Variants in TBC1D32 observed in about 807,000 individuals in gnomAD.
The protein encoded by TBC1D32 is protein broad-minded.
A neutral mutation model predicts 170.3 loss-of-function variants in TBC1D32; 151 were observed. The ratio of observed to expected loss-of-function variants is 0.89; its 90% CI spans 0.78 to 1.01. The LOEUF (loss-of-function observed/expected upper bound fraction) is 1.01, where lower values mean the gene tolerates loss of function less well. TBC1D32 is among the 50% of genes least tolerant of loss of function. The pLI, the probability that TBC1D32 is intolerant of heterozygous loss-of-function variation, is 0.00. For synonymous variants in TBC1D32, 498 were observed against 488.0 expected, an observed-to-expected ratio of 1.02 and a Z score of -0.27; for missense variants, 1,464 against 1,457.1, an observed-to-expected ratio of 1.00 and a Z score of -0.08.
chr6:121,221,003 ATAGC>A (rs34188688), intron 21 of TBC1D32, among the ~76,000 whole-genome samples: 97,048 of 151,620 alleles, frequency 0.64, 36,559 homozygotes, highest in Non-Finnish European at 0.84. Context: ...TAGGATTTTC[ATAGC>A]TAGAAAGGAG....
chr6:121,203,757 AC>A (rs902661665), intron 22 of TBC1D32, among the ~76,000 whole-genome samples: 2 of 151,360 alleles, frequency 1.3e-5, no homozygotes, highest in Non-Finnish European at 2.9e-5. Flanking sequence ...TAACCACCAT[AC>A]TGCACTATTC....
At chr6:121,291,960 G>A (rs1007303524) in intron 12 of TBC1D32, 93 bp downstream of exon 12, 8 of 1,317,714 alleles carry the variant, frequency 6.1e-6, no homozygotes, top group African/African-American at 3.0e-5. Flanking sequence ...AAGTACCGTA[G>A]AAAGGAACAT....
At chr6:121,289,106 C>T (rs905547103) in intron 12 of TBC1D32, among the ~76,000 whole-genome samples, 20 of 152,148 alleles carry the variant, frequency 1.3e-4, no homozygotes, top group African/African-American at 4.3e-4. Context: ...GACAAGGATG[C>T]CCTCTCTCAC....
At chr6:121,227,706 T>A (rs930169037) in intron 20 of TBC1D32, among the ~76,000 whole-genome samples, 4 of 152,112 alleles carry the variant, frequency 2.6e-5, no homozygotes, top group South Asian at 2.1e-4. Context: ...TGAATTCCAA[T>A]CGATAATATA....
chr6:121,258,769 C>T (rs1799379366), intron 15 of TBC1D32, among the ~76,000 whole-genome samples: 1 of 151,988 alleles, frequency 6.6e-6, no homozygotes, highest in East Asian at 1.9e-4. Flanking sequence ...CAAAAATATT[C>T]CCTTTTATAG....
rs191534944 is a variant in TBC1D32 at position 121,234,958 on chromosome 6, C to A, written c.2364+4112G>T. ...GGAATGGGGCTTCCTGAGAGCTGAA[C>A]TATAGTAATTGTTTTTGCTCTTCTG... On this transcript the variant is annotated intron_variant, in intron 20 of 31. Transcript: ENST00000398212. Among the ~76,000 whole-genome samples, 315 of 152,250 alleles carry A rather than the reference C, an allele frequency of 2.1e-3. 1 individual carries two copies. Among genetic ancestry groups the A allele is most frequent in the African/African-American group, 7.3e-3 (303 of 41,558 alleles).
At chr6:121,081,578 C>T (rs1382634307) in intron 31 of TBC1D32, among the ~76,000 whole-genome samples, 1 of 151,668 alleles carries the variant, frequency 6.6e-6, no homozygotes, top group African/African-American at 2.4e-5. Context: ...GCAGAGGTTA[C>T]AAAAACTTTG....
intron 15 of TBC1D32, among the ~76,000 whole-genome samples, chr6:121,273,702 T>C (rs1801821532): frequency 6.6e-6 from 1 of 151,748 alleles, no homozygotes; most frequent in Non-Finnish European, 1.5e-5. Flanking sequence ...GCATTTTAAG[T>C]TCAGCCTAAA....
intron 1 of TBC1D32, among the ~76,000 whole-genome samples, chr6:121,330,868 C>T (rs1375955730): frequency 2.0e-5 from 3 of 152,176 alleles, no homozygotes; most frequent in Non-Finnish European, 2.9e-5. Context: ...ATGAAAGCAA[C>T]GTACTCTTCT....
chr6:121,129,135 A>G (rs979574992), intron 25 of TBC1D32, among the ~76,000 whole-genome samples: 2 of 152,154 alleles, frequency 1.3e-5, no homozygotes, highest in African/African-American at 4.8e-5. Context: ...AAATTACCCA[A>G]CCTCAAGTAT....
At chr6:121,334,514 C>T (rs933612202), upstream of TBC1D32, 15 of 1,468,140 alleles carry the variant, frequency 1.0e-5, no homozygotes, top group South Asian at 1.3e-5. Context: ...CACCCCCACC[C>T]AGCCCCGGCT....
intron 9 of TBC1D32, 107 bp downstream of exon 9, chr6:121,303,510 T>C (rs945520185): frequency 3.2e-6 from 3 of 934,246 alleles, no homozygotes; most frequent in Middle Eastern, 3.5e-4. Flanking sequence ...AGCTAACACA[T>C]GTAAAAGTGA....
chr6:121,234,698 T>C (rs1456228020), intron 20 of TBC1D32, among the ~76,000 whole-genome samples: 2 of 152,322 alleles, frequency 1.3e-5, no homozygotes, highest in African/African-American at 4.8e-5. Flanking sequence ...ATCAACCTTC[T>C]GAATTCTTTT....
At chr6:121,142,886 G>GAATT (rs1446315693) in intron 24 of TBC1D32, among the ~76,000 whole-genome samples, 1 of 152,092 alleles carries the variant, frequency 6.6e-6, no homozygotes. Flanking sequence ...ATACAGAAGG[G>GAATT]AATTATGAGG....
intron 19 of TBC1D32, among the ~76,000 whole-genome samples, chr6:121,240,503 C>CA (rs1330409377): frequency 2.0e-5 from 3 of 151,208 alleles, no homozygotes; most frequent in Non-Finnish European, 4.4e-5. Context: ...AGTGATCACT[C>CA]ATGTTATAAT....
chr6:121,156,108 T>C (rs1245216134), intron 24 of TBC1D32, among the ~76,000 whole-genome samples: 2 of 151,820 alleles, frequency 1.3e-5, no homozygotes, highest in East Asian at 3.9e-4. Flanking sequence ...TTTATACATC[T>C]AGTAGAATTC....
At chr6:121,320,340 T>C (rs1356811133) in intron 2 of TBC1D32, among the ~76,000 whole-genome samples, 1 of 151,894 alleles carries the variant, frequency 6.6e-6, no homozygotes, top group Non-Finnish European at 1.5e-5. Flanking sequence ...ATTATTACTG[T>C]ACTAATTTTA....
At chr6:121,175,213 A>G (rs889036996) in intron 22 of TBC1D32, among the ~76,000 whole-genome samples, 7 of 152,154 alleles carry the variant, frequency 4.6e-5, no homozygotes, top group Non-Finnish European at 1.0e-4. Flanking sequence ...TCTTTAGGCT[A>G]CTAAACCACT....
chr6:121,152,386 T>C (rs1784334542), intron 24 of TBC1D32, among the ~76,000 whole-genome samples: 2 of 152,322 alleles, frequency 1.3e-5, no homozygotes, highest in South Asian at 4.1e-4. Context: ...TCTAATGGGC[T>C]CCTCTTTGTG....
Sources: allele counts gnomAD v4.1 joint callset (sites outside exome capture counted in the v4.1 genomes callset), GRCh38; gene constraint gnomAD v4.1.1; transcripts MANE v1.5; gene names NCBI Gene and HGNC (gene_info 2026-07-23, HGNC 2026-07-21).